The following CAST variants were observed in gnomAD, a reference collection of about 807,000 sequenced individuals.
The protein encoded by CAST is MIR583 host.
Under a neutral mutation model 119.6 loss-of-function variants are expected in CAST, and 76 were observed. That is an observed-to-expected ratio of 0.64 (90% confidence interval 0.53 to 0.77). CAST has a LOEUF of 0.77. CAST is among the 30% of genes least tolerant of loss of function. CAST has a pLI of 0.00. For synonymous variants in CAST, 319 were observed against 331.6 expected, an observed-to-expected ratio of 0.96 and a Z score of 0.41; for missense variants, 953 against 946.5, an observed-to-expected ratio of 1.01 and a Z score of -0.09.
the CAST span, among the ~76,000 whole-genome samples, chr5:95,963,008 G>C: frequency 2.0e-5 from 3 of 152,284 alleles, no homozygotes; most frequent in African/African-American, 4.8e-5. Flanking sequence ...GTCCCTTTCA[G>C]ATTGTGTGTG....
intron 1 of CAST, among the ~76,000 whole-genome samples, chr5:96,656,642 A>G (rs1028062255): frequency 1.3e-5 from 2 of 152,110 alleles, no homozygotes; most frequent in Non-Finnish European, 2.9e-5. Context: ...CCACCTCCCA[A>G]TGAGGAAAGA....
intron 24 of CAST, chr5:96,760,992 TAAG>T (rs2150668687): frequency 6.6e-6 from 1 of 152,148 alleles, no homozygotes; most frequent in African/African-American, 2.4e-5. Context: ...ACAGTAATAA[TAAG>T]TGGAAAATAC....
chr5:96,122,090 G>A, the CAST span, among the ~76,000 whole-genome samples: 1 of 152,096 alleles, frequency 6.6e-6, no homozygotes, highest in African/African-American at 2.4e-5. Flanking sequence ...CTATTTCAGC[G>A]ATTAGTGAGA....
the CAST span, among the ~76,000 whole-genome samples, chr5:96,367,761 CT>C: frequency 1.3e-5 from 2 of 152,210 alleles, no homozygotes; most frequent in East Asian, 3.9e-4. Flanking sequence ...TCCCTCACCC[CT>C]TGTGCTTCCC....
intron 2 of CAST, among the ~76,000 whole-genome samples, chr5:96,689,700 A>T (rs1033752751): frequency 6.6e-6 from 1 of 152,242 alleles, no homozygotes; most frequent in Non-Finnish European, 1.5e-5. Context: ...AATAGAACCC[A>T]GAATTGAAAT....
chr5:96,225,288 C>G, the CAST span, among the ~76,000 whole-genome samples: 2 of 150,342 alleles, frequency 1.3e-5, no homozygotes, highest in Non-Finnish European at 3.0e-5. Context: ...TTTTTCCTTA[C>G]TTTCTCTCTC....
chr5:96,635,550 T>A (rs1366459393), intron 1 of CAST, among the ~76,000 whole-genome samples: 12 of 152,352 alleles, frequency 7.9e-5, no homozygotes, highest in Middle Eastern at 3.4e-3. Context: ...TCTAGCTATA[T>A]AGATGTAATC....
the CAST span, among the ~76,000 whole-genome samples, chr5:96,044,426 A>G: frequency 6.6e-6 from 1 of 152,238 alleles, no homozygotes; most frequent in African/African-American, 2.4e-5. Flanking sequence ...GTCCTTCATC[A>G]GATACCAAAT....
At chr5:95,969,407 G>C in the CAST span, among the ~76,000 whole-genome samples, 1 of 152,166 alleles carries the variant, frequency 6.6e-6, no homozygotes, top group Admixed American at 6.5e-5. Flanking sequence ...ATTTGGGAAA[G>C]TAAAGGGAAC....
At chr5:96,155,184 A>G in the CAST span, among the ~76,000 whole-genome samples, 1 of 152,164 alleles carries the variant, frequency 6.6e-6, no homozygotes, top group Admixed American at 6.5e-5. Context: ...AAATTCTTAC[A>G]ATGTGCTTTC....
the CAST span, among the ~76,000 whole-genome samples, chr5:96,080,293 T>A: frequency 3.9e-5 from 6 of 152,216 alleles, no homozygotes; most frequent in African/African-American, 1.4e-4. Context: ...ACTAGGATAC[T>A]TTCCTGGAAA....
chr5:96,543,947 C>T (rs530036477), intron 1 of CAST, among the ~76,000 whole-genome samples: 257 of 152,298 alleles, frequency 1.7e-3, no homozygotes, highest in African/African-American at 5.9e-3. Flanking sequence ...TACCCAATAC[C>T]ATACTCTCTT....
chr5:96,763,181 CTG>C, intron 25 of CAST: 1 of 780,676 alleles, frequency 1.3e-6, no homozygotes, highest in African/African-American at 1.7e-5. Context: ...GTGCTGTAGT[CTG>C]AGATTCTGAT....
the CAST span, among the ~76,000 whole-genome samples, chr5:96,115,905 T>C: frequency 4.0e-5 from 6 of 151,834 alleles, no homozygotes; most frequent in Admixed American, 2.6e-4. Context: ...GAAGACTTCC[T>C]GACATGGTCA....
At position 96,774,455 on chromosome 5, in the gene CAST, GGAGA is replaced by G; in HGVS notation, c.*1844_*1847del. The G allele has an allele frequency of 1.0e-6, 1 of 959,222 alleles. No individual in the cohort carries two copies. Among genetic ancestry groups the G allele is most frequent in the Non-Finnish European group, 1.2e-6 (1 of 804,332 alleles). The allele number at this position is 959,222 out of a possible 1,614,324, so 59.4% of individuals were successfully genotyped here. A position where few individuals can be genotyped will look rare whatever the true frequency, so the allele number is the denominator to read the frequency against. On this transcript the variant is annotated 3_prime_UTR_variant, in exon 32 of 32. Transcript: ENST00000675179. Reference sequence around the variant, plus strand: ...AGCAGCCCTTTTTACAGTCTAGTTAGGAGAGAGAAAATAATTGCAAATATCCACT... The same window carrying G: ...AGCAGCCCTTTTTACAGTCTAGTTAGGAGAAAATAATTGCAAATATCCACT...
the CAST span, among the ~76,000 whole-genome samples, chr5:96,108,905 T>C: frequency 5.2e-4 from 79 of 152,354 alleles, no homozygotes; most frequent in Middle Eastern, 6.8e-3. Flanking sequence ...CTCCAAGCCA[T>C]GTGCGGGATA....
chr5:96,735,209 C>T (rs1274251125), intron 9 of CAST, among the ~76,000 whole-genome samples: 1 of 152,216 alleles, frequency 6.6e-6, no homozygotes, highest in East Asian at 1.9e-4. Context: ...GGTTTTCATA[C>T]TTCGTATAGA....
the CAST span, among the ~76,000 whole-genome samples, chr5:95,975,598 C>T: frequency 4.6e-5 from 7 of 152,160 alleles, no homozygotes; most frequent in Non-Finnish European, 8.8e-5. Flanking sequence ...GGTTGAGCTT[C>T]GGGGTTCCAG....
At chr5:96,257,614 A>C in the CAST span, among the ~76,000 whole-genome samples, 1 of 152,228 alleles carries the variant, frequency 6.6e-6, no homozygotes, top group Admixed American at 6.5e-5. Flanking sequence ...AGACATTCTC[A>C]TGAGCCTTCT....
Sources: allele counts gnomAD v4.1 joint callset (sites outside exome capture counted in the v4.1 genomes callset), GRCh38; gene constraint gnomAD v4.1.1; transcripts MANE v1.5; gene names NCBI Gene and HGNC (gene_info 2026-07-23, HGNC 2026-07-21).